Variants in GUCY1A2 observed in about 807,000 individuals in gnomAD.
The protein encoded by GUCY1A2 is guanylate cyclase 1 soluble subunit alpha 2.
GUCY1A2 carries 27 observed loss-of-function variants against 63.5 expected under a neutral mutation model. The ratio of observed to expected loss-of-function variants is 0.43; its 90% CI spans 0.31 to 0.59. The LOEUF is 0.59. Among genes scored for constraint, GUCY1A2 ranks in the 20% least tolerant of loss-of-function variants. The pLI, the probability that GUCY1A2 is intolerant of heterozygous loss-of-function variation, is 0.11. For missense variants in GUCY1A2, 768 were observed against 913.3 expected, an observed-to-expected ratio of 0.84 and a Z score of 2.05; for synonymous variants, 364 against 343.5, an observed-to-expected ratio of 1.06 and a Z score of -0.66.
At chr11:107,015,233 C>T (rs555614351) in intron 1 of GUCY1A2, among the ~76,000 whole-genome samples, 4 of 152,082 alleles carry the variant, frequency 2.6e-5, no homozygotes, top group African/African-American at 7.2e-5. Context: ...CCTGACAGAC[C>T]CTTTTCATAA....
At chr11:106,942,591 T>C (rs576816783) in intron 3 of GUCY1A2, among the ~76,000 whole-genome samples, 1 of 152,332 alleles carries the variant, frequency 6.6e-6, no homozygotes, top group South Asian at 2.1e-4. Context: ...TTTGAAGAAC[T>C]GTATTTTCAA....
intron 1 of GUCY1A2, among the ~76,000 whole-genome samples, chr11:107,016,735 T>C (rs183729766): frequency 7.3e-5 from 11 of 149,716 alleles, no homozygotes; most frequent in Admixed American, 4.0e-4. Context: ...AAATAGCTAA[T>C]GTGAGAGAGA....
At chr11:106,843,829 T>G (rs577881942) in intron 4 of GUCY1A2, among the ~76,000 whole-genome samples, 1 of 151,990 alleles carries the variant, frequency 6.6e-6, no homozygotes, top group South Asian at 2.1e-4. Context: ...CTTCCTATCC[T>G]TATTTTTAAT....
chr11:106,819,670 T>C lies in GUCY1A2; in HGVS notation c.1207-9192A>G, dbSNP rs77697449. Among the ~76,000 whole-genome samples the C allele has an allele frequency of 2.3e-3, 346 of 152,326 alleles. 2 individuals carry two copies. Among genetic ancestry groups the C allele is most frequent in the African/African-American group, 8.0e-3 (334 of 41,572 alleles). The stretch of plus-strand genomic sequence containing the variant: ...GACTACAGTATAGTGTGAAAAGAAC[T>C]GTAAATACACTGGAAAGCAAAAAAT... On this transcript the variant is annotated intron_variant, in intron 4 of 7. Transcript: ENST00000526355.
chr11:106,841,548 C>T (rs1859198188), intron 4 of GUCY1A2, among the ~76,000 whole-genome samples: 1 of 151,766 alleles, frequency 6.6e-6, no homozygotes, highest in Non-Finnish European at 1.5e-5. Flanking sequence ...ATATTATAAA[C>T]ATATTTGATG....
intron 1 of GUCY1A2, among the ~76,000 whole-genome samples, chr11:107,002,968 C>T (rs1440538053): frequency 1.3e-5 from 2 of 152,092 alleles, no homozygotes; most frequent in East Asian, 3.9e-4. Flanking sequence ...AAGAAGTGTC[C>T]TCATTCTTAG....
Position 106,833,206 on chromosome 11 carries a change from ACT to A in GUCY1A2, c.1207-22730_1207-22729del, listed in dbSNP as rs1365337170. On this transcript the variant is annotated intron_variant, in intron 4 of 7. Transcript: ENST00000526355. The stretch of plus-strand genomic sequence containing the variant: ...GGCCCACCCTACTGGCCTCATTGTA[ACT>A]TGATTATTTCTGTAAAGAAATAATA... Among the ~76,000 whole-genome samples the A allele has an allele frequency of 2.6e-5, 4 of 152,196 alleles. No individual in the cohort carries two copies. The East Asian group carries it at 7.8e-4, about 29-fold the overall frequency.
intron 6 of GUCY1A2, among the ~76,000 whole-genome samples, chr11:106,731,170 G>GTCT (rs780847050): frequency 1.6e-4 from 25 of 151,982 alleles, no homozygotes; most frequent in Non-Finnish European, 2.8e-4. Flanking sequence ...TCTTTGCCCA[G>GTCT]TCTTATGTCT....
At chr11:107,008,777 G>C (rs990168390) in intron 1 of GUCY1A2, among the ~76,000 whole-genome samples, 3 of 152,162 alleles carry the variant, frequency 2.0e-5, no homozygotes, top group Non-Finnish European at 4.4e-5. Context: ...CAGAAATCAC[G>C]ATATATATAC....
intron 3 of GUCY1A2, among the ~76,000 whole-genome samples, chr11:106,966,977 A>T (rs957499257): frequency 3.3e-5 from 5 of 152,216 alleles, no homozygotes; most frequent in African/African-American, 1.2e-4. Flanking sequence ...AAACAGTCTG[A>T]GGTACTAGAA....
At chr11:106,839,005 C>A (rs1591297312) in intron 4 of GUCY1A2, among the ~76,000 whole-genome samples, 1 of 152,038 alleles carries the variant, frequency 6.6e-6, no homozygotes, top group African/African-American at 2.4e-5. Flanking sequence ...TCAATTTTGG[C>A]TTTTGTTGCC....
At chr11:106,836,492 G>A (rs185243368) in intron 4 of GUCY1A2, among the ~76,000 whole-genome samples, 384 of 152,060 alleles carry the variant, frequency 2.5e-3, no homozygotes, top group Middle Eastern at 0.017. Flanking sequence ...TATACAGTAC[G>A]TATAAAGTAT....
At chr11:106,710,510 A>G (rs1863098316) in intron 6 of GUCY1A2, among the ~76,000 whole-genome samples, 1 of 149,718 alleles carries the variant, frequency 6.7e-6, no homozygotes, top group Admixed American at 6.8e-5. Flanking sequence ...TGTTGAATAA[A>G]TTGGCTGAAT....
chr11:106,957,855 C>CT lies in GUCY1A2; in HGVS notation c.488-17678dup, dbSNP rs59519013. ...AGTCCAGTCTGAGCAAAGGGACAAACTTTTTTTTTTTTTTTTTTTTTTTTT... is the reference window on the plus strand; with the variant it reads ...AGTCCAGTCTGAGCAAAGGGACAAACTTTTTTTTTTTTTTTTTTTTTTTTTT... On this transcript the variant is annotated intron_variant, in intron 3 of 7. Transcript: ENST00000526355. Among the ~76,000 whole-genome samples the CT allele has an allele frequency of 4.4e-3, 386 of 87,208 alleles. 2 individuals carry two copies. The highest frequency in any genetic ancestry group is 0.011 in the Middle Eastern group (1 of 94). The allele number at this position is 87,208 out of a possible 152,430, so 57.2% of individuals were successfully genotyped here.
At chr11:106,827,116 A>G in intron 4 of GUCY1A2, 10 of 1,483,652 alleles carry the variant, frequency 6.7e-6, no homozygotes, top group South Asian at 1.1e-5. Context: ...TACTTCACAC[A>G]TAGCTTCAAG....
rs891514025 is a variant in GUCY1A2, at chr11:106,674,043, T to G, written c.*13506A>C. 1 of 174,330 alleles carries G rather than the reference T, an allele frequency of 5.7e-6. No individual in the cohort carries two copies. The highest frequency in any genetic ancestry group is 2.4e-5 in the African/African-American group (1 of 42,192). 10.8% of individuals were successfully genotyped at this position (174,330 alleles called of 1,614,324 possible). A position where few individuals can be genotyped will look rare whatever the true frequency, so the allele number is the denominator to read the frequency against. On this transcript the variant is annotated 3_prime_UTR_variant, in exon 8 of 8. Transcript: ENST00000526355. ...CTCCTTTTTGGTATTATTTATTGAT[T>G]TAAATATTTTATAAGTGACAGTTTG... is the stretch of plus-strand genomic sequence containing the variant.
intron 6 of GUCY1A2, among the ~76,000 whole-genome samples, chr11:106,728,368 G>A (rs540419994): frequency 6.6e-6 from 1 of 151,984 alleles, no homozygotes; most frequent in South Asian, 2.1e-4. Context: ...GTACATTCCT[G>A]TATTTTAGTA....
intron 4 of GUCY1A2, among the ~76,000 whole-genome samples, chr11:106,906,159 C>T (rs193229242): frequency 1.3e-5 from 2 of 152,156 alleles, no homozygotes; most frequent in African/African-American, 4.8e-5. Context: ...AACAGGAAAC[C>T]TACAGAATGG....
chr11:106,693,663 C>G (rs957747758), intron 7 of GUCY1A2, among the ~76,000 whole-genome samples: 3 of 151,950 alleles, frequency 2.0e-5, no homozygotes, highest in African/African-American at 7.2e-5. Flanking sequence ...TTTCCTTTTT[C>G]TCGAATTATT....
Sources: gnomAD v4.1 joint callset for allele counts (sites outside exome capture counted in the v4.1 genomes callset) on GRCh38, gnomAD v4.1.1 for gene constraint, MANE v1.5 for transcripts, NCBI Gene and HGNC (gene_info 2026-07-23, HGNC 2026-07-21) for gene names.